The following PID1 variants were observed in gnomAD, a reference collection of about 807,000 sequenced individuals.
PID1 encodes PTB-containing, cubilin and LRP1-interacting protein.
PID1 carries 10 observed loss-of-function variants against 19.1 expected under a neutral mutation model. That is an observed-to-expected ratio of 0.52 (90% CI 0.32 to 0.89). The LOEUF (loss-of-function observed/expected upper bound fraction) is 0.89. Ranked by LOEUF, PID1 falls within the 40% of genes least tolerant of loss-of-function variation. The pLI is 0.03. For synonymous variants in PID1, 130 were observed against 116.0 expected (o/e 1.12, Z -0.78); for missense variants, 248 against 285.3 (o/e 0.87, Z 0.94).
intron 1 of PID1, among the ~76,000 whole-genome samples, chr2:229,250,930 C>T (rs1034849715): frequency 2.3e-4 from 35 of 152,158 alleles, no homozygotes; most frequent in African/African-American, 8.4e-4. Context: ...CTCAGTTTGG[C>T]TCCTCACTCA....
At chr2:229,219,027 A>G (rs865865135) in intron 1 of PID1, among the ~76,000 whole-genome samples, 7 of 152,296 alleles carry the variant, frequency 4.6e-5, no homozygotes, top group Middle Eastern at 3.4e-3. Flanking sequence ...AAGCCACCAC[A>G]CTAATACACA....
intron 2 of PID1, among the ~76,000 whole-genome samples, chr2:229,132,471 G>A (rs1177912950): frequency 2.6e-5 from 4 of 152,324 alleles, no homozygotes; most frequent in East Asian, 1.9e-4. Context: ...CTGGCCAGAA[G>A]TCCTTCTGCT....
chr2:229,045,393 T>A (rs543141852), intron 2 of PID1, among the ~76,000 whole-genome samples: 105 of 152,374 alleles, frequency 6.9e-4, no homozygotes, highest in African/African-American at 2.4e-3. Context: ...AATAAAGATG[T>A]CCATGTAACC....
At chr2:229,237,134 A>C (rs1420709938) in intron 1 of PID1, among the ~76,000 whole-genome samples, 1 of 152,170 alleles carries the variant, frequency 6.6e-6, no homozygotes, top group African/African-American at 2.4e-5. Flanking sequence ...ATCATGAGTA[A>C]TCAAGAAAAT....
At chr2:229,165,591 A>T (rs547225658) in intron 1 of PID1, among the ~76,000 whole-genome samples, 7 of 152,130 alleles carry the variant, frequency 4.6e-5, no homozygotes, top group Admixed American at 6.5e-5. Flanking sequence ...AAAATAAAAA[A>T]AAAAATTGTC....
Position 229,171,102 on chromosome 2 carries a change from G to A in PID1, c.31-15138C>T, listed in dbSNP as rs547704919. Among the ~76,000 whole-genome samples, 86 of 152,246 alleles carry A rather than the reference G, an allele frequency of 5.6e-4. 2 individuals carry two copies. The South Asian group carries it at 0.01, about 18-fold the overall frequency. On this transcript the variant is annotated intron_variant, in intron 1 of 2. Coordinates refer to ENST00000392055, the MANE Select transcript of PID1 (RefSeq NM_001100818.2). ...TTGACAGTATCAGAGTGAATACCCC[G>A]CTCATCGGAACATAGCACGTACATG...
chr2:229,195,877 T>TC (rs1559280197), intron 1 of PID1, among the ~76,000 whole-genome samples: 2 of 152,154 alleles, frequency 1.3e-5, no homozygotes, highest in East Asian at 3.9e-4. Context: ...ATCCAACACA[T>TC]CATTTTTATA....
chr2:229,232,774 C>T lies in PID1; in HGVS notation c.30+38240G>A, dbSNP rs528455672. 5.0e-3 allele frequency among the ~76,000 whole-genome samples: 624 copies of T among 123,644 alleles called. 3 individuals carry two copies. The highest frequency in any genetic ancestry group is 0.018 in the African/African-American group (585 of 31,856). The allele number at this position is 123,644 out of a possible 152,430, so 81.1% of individuals were successfully genotyped here. Reference sequence around the variant, plus strand: ...GACTGACCAAAAATGAATATATATACACACACACACATAAATATATATATA... The same window carrying T: ...GACTGACCAAAAATGAATATATATATACACACACACATAAATATATATATA... On this transcript the variant is annotated intron_variant, in intron 1 of 2. Coordinates refer to ENST00000392055, the MANE Select transcript of PID1 (RefSeq NM_001100818.2).
intron 2 of PID1, among the ~76,000 whole-genome samples, chr2:229,029,318 C>CAA (rs200650395): frequency 3.7e-5 from 4 of 107,782 alleles, no homozygotes; most frequent in African/African-American, 1.4e-4. Context: ...TTTTTGAAGC[C>CAA]AAAAAAAAAA....
At chr2:229,154,014 G>C (rs188405797) in intron 2 of PID1, among the ~76,000 whole-genome samples, 1 of 152,154 alleles carries the variant, frequency 6.6e-6, no homozygotes, top group African/African-American at 2.4e-5. Context: ...TAATTCCCTT[G>C]TATCATCAAT....
intron 2 of PID1, among the ~76,000 whole-genome samples, chr2:229,138,553 G>A (rs1474070368): frequency 6.6e-6 from 1 of 152,086 alleles, no homozygotes; most frequent in Non-Finnish European, 1.5e-5. Context: ...GGTGTATAAT[G>A]TATATGTATA....
At chr2:229,204,143 T>C (rs1193096457) in intron 1 of PID1, among the ~76,000 whole-genome samples, 4 of 152,108 alleles carry the variant, frequency 2.6e-5, no homozygotes, top group Non-Finnish European at 5.9e-5. Context: ...CTACAGCTAA[T>C]GAACTTTAAA....
At chr2:229,155,612 C>A (rs1427632411) in intron 2 of PID1, among the ~76,000 whole-genome samples, 1 of 151,770 alleles carries the variant, frequency 6.6e-6, no homozygotes, top group African/African-American at 2.4e-5. Flanking sequence ...GTCTTTAATG[C>A]GTGTCCAAAA....
At chr2:229,143,998 T>C (rs1690073435) in intron 2 of PID1, among the ~76,000 whole-genome samples, 1 of 152,134 alleles carries the variant, frequency 6.6e-6, no homozygotes. Flanking sequence ...TATTAATATC[T>C]GAATCAAATA....
At chr2:229,153,842 A>G (rs1167639640) in intron 2 of PID1, among the ~76,000 whole-genome samples, 1 of 152,148 alleles carries the variant, frequency 6.6e-6, no homozygotes. Context: ...AACATACTTT[A>G]TAGGCTTTAT....
At chr2:229,128,217 A>G (rs1217874842) in intron 2 of PID1, among the ~76,000 whole-genome samples, 1 of 152,242 alleles carries the variant, frequency 6.6e-6, no homozygotes, top group African/African-American at 2.4e-5. Flanking sequence ...AAAAAAGATG[A>G]CATTTGCAAC....
At chr2:229,079,485 C>A (rs2396612) in intron 2 of PID1, among the ~76,000 whole-genome samples, 9,576 of 152,244 alleles carry the variant, frequency 0.063, 533 homozygotes, top group Admixed American at 0.18. Context: ...CCTTAAGCTG[C>A]TATACTATCT....
At chr2:229,086,910 T>TACACACACACACACACACACAC (rs3083831) in intron 2 of PID1, among the ~76,000 whole-genome samples, 1 of 150,042 alleles carries the variant, frequency 6.7e-6, no homozygotes, top group South Asian at 2.1e-4. Flanking sequence ...CACACGTGTG[T>TACACACACACACACACACACAC]ACACACACAC....
intron 1 of PID1, among the ~76,000 whole-genome samples, chr2:229,247,877 C>T (rs1462146741): frequency 6.6e-6 from 1 of 152,172 alleles, no homozygotes; most frequent in Non-Finnish European, 1.5e-5. Context: ...TACCAACCAC[C>T]AACACTTTAT....
Sources: allele counts gnomAD v4.1 joint callset (sites outside exome capture counted in the v4.1 genomes callset), GRCh38; gene constraint gnomAD v4.1.1; transcripts MANE v1.5; gene names NCBI Gene and HGNC (gene_info 2026-07-23, HGNC 2026-07-21).